The following EYS variants were observed in gnomAD, a reference collection of about 807,000 sequenced individuals.
The protein encoded by EYS is EGF-like photoreceptor maintenance factor, also known as protein eyes shut homolog.
In EYS, 250 loss-of-function variants were observed where a neutral mutation model predicts 282.1. The observed-to-expected ratio is 0.89, with a 90% CI of 0.80 to 0.98. EYS has a LOEUF of 0.98. Ranked by LOEUF, EYS falls within the 50% of genes least tolerant of loss-of-function variation. The probability of loss-of-function intolerance (pLI) is 0.00; values close to 1 mark genes in which losing one functional copy is unlikely to be tolerated. For synonymous variants in EYS, 1,355 were observed against 1,282.9 expected (o/e 1.06, Z -1.20); for missense variants, 4,016 against 3,709.0 (o/e 1.08, Z -2.15).
At chr6:65,461,072 G>A (rs1027648720) in intron 5 of EYS, among the ~76,000 whole-genome samples, 4 of 152,060 alleles carry the variant, frequency 2.6e-5, no homozygotes, top group Non-Finnish European at 5.9e-5. Context: ...TTCAGAAATT[G>A]TATTACTCAA....
intron 14 of EYS, among the ~76,000 whole-genome samples, chr6:64,981,655 G>A (rs1770670877): frequency 6.6e-6 from 1 of 151,232 alleles, no homozygotes; most frequent in Admixed American, 6.6e-5. Flanking sequence ...TTGCATACGG[G>A]AGTCTGGTTT....
At chr6:64,179,562 T>C (rs1372398522) in intron 31 of EYS, among the ~76,000 whole-genome samples, 3 of 152,062 alleles carry the variant, frequency 2.0e-5, no homozygotes, top group Admixed American at 6.6e-5. Context: ...TGGCACTTAG[T>C]AGGTATTCCA....
At chr6:65,273,195 A>G (rs1247151656) in intron 12 of EYS, among the ~76,000 whole-genome samples, 1 of 152,158 alleles carries the variant, frequency 6.6e-6, no homozygotes, top group African/African-American at 2.4e-5. Flanking sequence ...TTTTCCATTT[A>G]ATATTTTGGA....
intron 12 of EYS, among the ~76,000 whole-genome samples, chr6:65,210,036 T>C (rs1028042331): frequency 5.3e-5 from 8 of 151,930 alleles, no homozygotes; most frequent in African/African-American, 1.9e-4. Context: ...ACAGAGACTG[T>C]AGTTGAGAGT....
intron 12 of EYS, among the ~76,000 whole-genome samples, chr6:65,058,138 C>A (rs577565527): frequency 6.6e-5 from 10 of 152,110 alleles, no homozygotes; most frequent in Non-Finnish European, 1.3e-4. Context: ...TCCCTGAGGG[C>A]TGAATGTTAT....
At chr6:64,713,283 T>C (rs1013088105) in intron 22 of EYS, 1 of 152,180 alleles carries the variant, frequency 6.6e-6, no homozygotes, top group Non-Finnish European at 1.5e-5. Context: ...TTGAACCTCC[T>C]GCCTCTCCAA....
intron 31 of EYS, among the ~76,000 whole-genome samples, chr6:64,202,437 C>A (rs1281949355): frequency 6.6e-6 from 1 of 152,022 alleles, no homozygotes; most frequent in Non-Finnish European, 1.5e-5. Flanking sequence ...AAAAACGAAG[C>A]AAGAAACAAT....
chr6:64,393,220 C>T (rs1348144395), intron 28 of EYS, among the ~76,000 whole-genome samples: 1 of 152,106 alleles, frequency 6.6e-6, no homozygotes, highest in Non-Finnish European at 1.5e-5. Flanking sequence ...GAACTGGTAC[C>T]ATTCCTTCTG....
At chr6:64,599,426 A>G (rs1766695292) in intron 24 of EYS, among the ~76,000 whole-genome samples, 1 of 152,174 alleles carries the variant, frequency 6.6e-6, no homozygotes. Flanking sequence ...GGTGAGAATA[A>G]AAAGTTTAGT....
chr6:63,990,197 T>C (rs1056694243), intron 34 of EYS, among the ~76,000 whole-genome samples: 4 of 151,584 alleles, frequency 2.6e-5, no homozygotes, highest in Non-Finnish European at 5.9e-5. Context: ...AATAATAACA[T>C]ATAGGTCAGC....
chr6:65,137,662 A>G (rs150859884), intron 12 of EYS, among the ~76,000 whole-genome samples: 1 of 152,216 alleles, frequency 6.6e-6, no homozygotes, highest in Non-Finnish European at 1.5e-5. Context: ...GATGGAAAGA[A>G]AGGCAGAGAA....
At chr6:65,165,437 T>C (rs1019214792) in intron 12 of EYS, among the ~76,000 whole-genome samples, 8 of 151,270 alleles carry the variant, frequency 5.3e-5, no homozygotes, top group African/African-American at 1.2e-4. Flanking sequence ...CCTTGAAAGA[T>C]ATTTTTCTTA....
chr6:65,511,611 T>C (rs1370411794), intron 2 of EYS, among the ~76,000 whole-genome samples: 1 of 152,124 alleles, frequency 6.6e-6, no homozygotes, highest in Non-Finnish European at 1.5e-5. Flanking sequence ...CCCAGGTAGG[T>C]ACAATTTTAT....
intron 28 of EYS, among the ~76,000 whole-genome samples, chr6:64,394,597 G>A (rs1249833082): frequency 6.6e-6 from 1 of 151,896 alleles, no homozygotes. Flanking sequence ...GCTGAAACTG[G>A]ATCCCTTCCT....
At chr6:65,090,402 G>T (rs1013649351) in intron 12 of EYS, among the ~76,000 whole-genome samples, 17 of 152,186 alleles carry the variant, frequency 1.1e-4, no homozygotes, top group African/African-American at 3.4e-4. Context: ...ATGCAGAACT[G>T]TGAGTCAATT....
intron 28 of EYS, among the ~76,000 whole-genome samples, chr6:64,418,015 C>T (rs1244055877): frequency 1.3e-5 from 2 of 152,106 alleles, no homozygotes; most frequent in Non-Finnish European, 2.9e-5. Flanking sequence ...ATATTTATAA[C>T]ACAACAATGT....
intron 22 of EYS, among the ~76,000 whole-genome samples, chr6:64,739,837 C>T (rs545179772): frequency 6.6e-6 from 1 of 152,098 alleles, no homozygotes; most frequent in South Asian, 2.1e-4. Flanking sequence ...GTTCCTTCAT[C>T]CATTTTGTAG....
chr6:65,102,133 T>C (rs1449206895), intron 12 of EYS, among the ~76,000 whole-genome samples: 2 of 151,442 alleles, frequency 1.3e-5, no homozygotes, highest in Admixed American at 1.3e-4. Context: ...TAGAAAAAAC[T>C]ATCTTTGAAA....
chr6:64,453,568 T>G (rs562235084), intron 26 of EYS, among the ~76,000 whole-genome samples: 2 of 152,204 alleles, frequency 1.3e-5, no homozygotes, highest in Admixed American at 1.3e-4. Context: ...GTATGTTTAC[T>G]GCGGCACTAT....
Sources: allele counts gnomAD v4.1 joint callset (sites outside exome capture counted in the v4.1 genomes callset), GRCh38; gene constraint gnomAD v4.1.1; transcripts MANE v1.5; gene names NCBI Gene and HGNC (gene_info 2026-07-23, HGNC 2026-07-21).